CATSPER3: variants seen among roughly 807,000 people sequenced by gnomAD.
CATSPER3 encodes the protein cation channel sperm associated 3.
In CATSPER3, 23 loss-of-function variants were observed where a neutral mutation model predicts 36.6. The ratio of observed to expected loss-of-function variants is 0.63; its 90% CI spans 0.45 to 0.89. The LOEUF (loss-of-function observed/expected upper bound fraction) is 0.89. Ranked by LOEUF, CATSPER3 falls within the 40% of genes least tolerant of loss-of-function variation. The probability of loss-of-function intolerance (pLI) is 0.00; values close to 1 mark genes in which losing one functional copy is unlikely to be tolerated. For synonymous variants in CATSPER3, 172 were observed against 184.1 expected (o/e 0.93, Z 0.53); for missense variants, 474 against 503.9 (o/e 0.94, Z 0.57).
At chr5:134,970,349 C>T (rs1246747356) in intron 2 of CATSPER3, among the ~76,000 whole-genome samples, 4 of 151,854 alleles carry the variant, frequency 2.6e-5, no homozygotes, top group South Asian at 2.1e-4. Flanking sequence ...TTAGTAGAGA[C>T]GGGGTTTCAC....
chr5:135,006,708 G>A (rs1255452467), intron 3 of CATSPER3, among the ~76,000 whole-genome samples: 2 of 151,720 alleles, frequency 1.3e-5, no homozygotes, highest in African/African-American at 4.8e-5. Context: ...CGCAGTGGCG[G>A]GCACCTGTAG....
chr5:134,972,632 A>G lies in CATSPER3; in HGVS notation c.252+2540A>G, dbSNP rs538508614. Among the ~76,000 whole-genome samples the G allele has an allele frequency of 7.2e-5, 11 of 152,310 alleles. No homozygotes were observed. The East Asian group carries it at 1.2e-3, about 16-fold the overall frequency. ...AAGGTTTCAAGAGAAAATGATGAAC[A>G]TCGAAGATGGGGAAAAAAAAATCCA... On this transcript the variant is annotated intron_variant, in intron 2 of 7. Transcript: ENST00000282611.
Position 134,996,336 on chromosome 5 carries a change from C to G in CATSPER3, c.316C>G (p.Pro106Ala). The G allele has an allele frequency of 6.2e-7, 1 of 1,614,028 alleles. No homozygotes were observed. The highest frequency in any genetic ancestry group is 8.5e-7 in the Non-Finnish European group (1 of 1,179,868). Residue 106 changes from proline (P) to alanine (A), a missense_variant, in exon 3 of 8, where the codon CCC becomes GCC. Pro to Ala is a conservative substitution (Grantham distance 27). Transcript: ENST00000282611. ...GTTGTCCATGAAGGTCTATGTGGAC[C>G]CCATCAACTACTGGAAGAACGGCTA... ...SELSMKVYVD[P>A]INYWKNGYNL...
chr5:134,998,664 TG>T, intron 3 of CATSPER3, among the ~76,000 whole-genome samples: 2 of 152,402 alleles, frequency 1.3e-5, no homozygotes, highest in Middle Eastern at 6.8e-3. Context: ...ATTTCTCTGA[TG>T]GCCAGTGATG....
intron 2 of CATSPER3, chr5:134,995,954 C>G: frequency 2.4e-6 from 1 of 424,134 alleles, no homozygotes; most frequent in Non-Finnish European, 4.4e-6. Flanking sequence ...CTCTTGGGAC[C>G]TTCCCTTGGG....
intron 2 of CATSPER3, among the ~76,000 whole-genome samples, chr5:134,987,378 A>G (rs1013970077): frequency 6.6e-6 from 1 of 152,200 alleles, no homozygotes; most frequent in Non-Finnish European, 1.5e-5. Flanking sequence ...AGGACCAGGT[A>G]GTTTCACATG....
intron 3 of CATSPER3, among the ~76,000 whole-genome samples, chr5:135,005,648 G>A (rs1752076721): frequency 6.6e-6 from 1 of 152,258 alleles, no homozygotes; most frequent in African/African-American, 2.4e-5. Context: ...CCCAGAGATG[G>A]CGCTCTGGCG....
chr5:134,984,722 C>G (rs1751788353), intron 2 of CATSPER3, among the ~76,000 whole-genome samples: 1 of 151,894 alleles, frequency 6.6e-6, no homozygotes, highest in Non-Finnish European at 1.5e-5. Context: ...GAGATTTCTC[C>G]AAGAACTAAA....
intron 2 of CATSPER3, among the ~76,000 whole-genome samples, chr5:134,979,549 A>G (rs148834286): frequency 5.3e-5 from 8 of 152,328 alleles, no homozygotes; most frequent in African/African-American, 1.7e-4. Context: ...AAAGGTGGCT[A>G]TAGAGAGGGA....
Position 134,969,959 on chromosome 5 carries a change from G to A in CATSPER3, c.119G>A (p.Arg40Gln), listed in dbSNP as rs1041530337. 1.7e-5 allele frequency: 27 copies of A among 1,613,912 alleles called. No homozygotes were observed. The highest frequency in any genetic ancestry group is 2.2e-5 in the Non-Finnish European group (26 of 1,179,986). Reference sequence around the variant, plus strand: ...GACAGGAGGAACGATGATGAATGTCGGGCATTTGTGAAGAGAGTCATAATG... The same window carrying A: ...GACAGGAGGAACGATGATGAATGTCAGGCATTTGTGAAGAGAGTCATAATG... ...KKFKRNDDEC[R>Q]AFVKRVIMSR... The change falls in exon 2 of 8, where the codon CGG becomes CAG. Residue 40 changes from arginine to glutamine, a missense_variant. Coordinates refer to ENST00000282611, the MANE Select transcript of CATSPER3 (RefSeq NM_178019.3).
chr5:134,993,600 C>T (rs753517871), intron 2 of CATSPER3, among the ~76,000 whole-genome samples: 13 of 151,944 alleles, frequency 8.6e-5, no homozygotes, highest in South Asian at 2.1e-4. Flanking sequence ...AGTACAGATA[C>T]GGTAGATATC....
intron 5 of CATSPER3, 63 bp from the exon 6 acceptor site, chr5:135,009,308 G>C (rs1752146362): frequency 6.4e-7 from 1 of 1,568,824 alleles, no homozygotes; most frequent in African/African-American, 1.4e-5. Context: ...TGGGGAAGAG[G>C]AAAGACTGGG....
intron 3 of CATSPER3, among the ~76,000 whole-genome samples, chr5:135,003,205 T>G (rs1431613075): frequency 6.6e-6 from 1 of 152,222 alleles, no homozygotes; most frequent in East Asian, 1.9e-4. Flanking sequence ...TGTTGGAGTT[T>G]GCTGGAGGTC....
Position 135,011,484 on chromosome 5 carries a change from G to C in CATSPER3, c.1095-37G>C, listed in dbSNP as rs368129173. The stretch of plus-strand genomic sequence containing the variant: ...CCAGGGGGTCCTGGAGCCTGCCTCT[G>C]ACCTCAGATCTTATCTCCTCCTGCT... On this transcript the variant is annotated intron_variant, in intron 7 of 7. Coordinates refer to ENST00000282611, the MANE Select transcript of CATSPER3 (RefSeq NM_178019.3). 2.0e-6 allele frequency: 3 copies of C among 1,526,890 alleles called. No homozygotes were observed. In the African/African-American group the frequency reaches 4.1e-5, roughly 21 times the overall value. The allele number at this position is 1,526,890 out of a possible 1,614,324, so 94.6% of individuals were successfully genotyped here. A position where few individuals can be genotyped will look rare whatever the true frequency, so the allele number is the denominator to read the frequency against.
chr5:134,975,995 A>G (rs983593572), intron 2 of CATSPER3, among the ~76,000 whole-genome samples: 1 of 152,220 alleles, frequency 6.6e-6, no homozygotes, highest in Non-Finnish European at 1.5e-5. Context: ...CTTAGAAGAC[A>G]TTATGTTAAG....
chr5:135,008,678 T>G (rs562877332), intron 4 of CATSPER3, among the ~76,000 whole-genome samples, 163 bp from the exon 5 acceptor site: 1 of 152,272 alleles, frequency 6.6e-6, no homozygotes, highest in East Asian at 1.9e-4. Flanking sequence ...TCCCAGGCCA[T>G]CACGTATGTG....
At chr5:134,978,113 C>T (rs186327764) in intron 2 of CATSPER3, among the ~76,000 whole-genome samples, 1 of 152,256 alleles carries the variant, frequency 6.6e-6, no homozygotes, top group East Asian at 1.9e-4. Context: ...GACGAACATC[C>T]AAACCGTATT....
chr5:134,999,712 G>C lies in CATSPER3; in HGVS notation c.492+3200G>C, dbSNP rs536092755. ...ACTCATTATTTGGCTCTCTGTTTGTGTGTTATTGGTGTATAGGAATGCTTG... is the reference window on the plus strand; with the variant it reads ...ACTCATTATTTGGCTCTCTGTTTGTCTGTTATTGGTGTATAGGAATGCTTG... On this transcript the variant is annotated intron_variant, in intron 3 of 7. Transcript: ENST00000282611. Among the ~76,000 whole-genome samples the C allele has an allele frequency of 1.1e-4, 17 of 152,210 alleles. No homozygotes were observed. The East Asian group carries it at 2.7e-3, about 24-fold the overall frequency.
At chr5:134,999,317 C>G (rs1173870509) in intron 3 of CATSPER3, among the ~76,000 whole-genome samples, 2 of 151,930 alleles carry the variant, frequency 1.3e-5, no homozygotes, top group African/African-American at 4.8e-5. Flanking sequence ...GTTACTGCAG[C>G]CTTGTAGTTT....
Sources: allele counts gnomAD v4.1 joint callset (sites outside exome capture counted in the v4.1 genomes callset), GRCh38; gene constraint gnomAD v4.1.1; transcripts MANE v1.5; gene names NCBI Gene and HGNC (gene_info 2026-07-23, HGNC 2026-07-21).